SCAI: variants seen among roughly 807,000 people sequenced by gnomAD.
SCAI encodes the protein suppressor of cancer cell invasion.
In SCAI, 24 loss-of-function variants were observed where a neutral mutation model predicts 92.2. That is an observed-to-expected ratio of 0.26 (90% CI 0.19 to 0.37). The LOEUF (loss-of-function observed/expected upper bound fraction) is 0.37, where lower values mean the gene tolerates loss of function less well. Among genes scored for constraint, SCAI ranks in the 10% least tolerant of loss-of-function variants. The probability of loss-of-function intolerance (pLI) is 1.00; values close to 1 mark genes in which losing one functional copy is unlikely to be tolerated. For missense variants in SCAI, 450 were observed against 736.2 expected (o/e 0.61, Z 4.50); for synonymous variants, 261 against 258.6 (o/e 1.01, Z -0.09).
At chr9:125,054,774 T>C (rs1002998452) in intron 3 of SCAI, among the ~76,000 whole-genome samples, 3 of 152,228 alleles carry the variant, frequency 2.0e-5, no homozygotes, top group South Asian at 2.1e-4. Context: ...TTAAGAATAC[T>C]GCCTTTGGAA....
At chr9:125,065,283 A>G (rs1833851564) in intron 2 of SCAI, among the ~76,000 whole-genome samples, 1 of 152,196 alleles carries the variant, frequency 6.6e-6, no homozygotes, top group African/African-American at 2.4e-5. Context: ...CTGAAAACAA[A>G]AAGATCACAA....
At chr9:124,986,982 A>C (rs947539318) in intron 14 of SCAI, among the ~76,000 whole-genome samples, 2 of 152,242 alleles carry the variant, frequency 1.3e-5, no homozygotes, top group Admixed American at 6.5e-5. Flanking sequence ...AATGTGCAAA[A>C]GGATTTTCTT....
At chr9:124,955,091 C>A (rs1831293390) in intron 17 of SCAI, among the ~76,000 whole-genome samples, 1 of 151,242 alleles carries the variant, frequency 6.6e-6, no homozygotes, top group African/African-American at 2.4e-5. Context: ...TTGCTTGAGC[C>A]CAAGAGGCGG....
chr9:124,970,960 G>A (rs551649059), intron 17 of SCAI, among the ~76,000 whole-genome samples: 5 of 151,852 alleles, frequency 3.3e-5, no homozygotes, highest in South Asian at 2.1e-4. Context: ...GATTACAGGC[G>A]CGTGCCACCA....
chr9:124,962,679 C>T (rs1831463695), intron 17 of SCAI, among the ~76,000 whole-genome samples: 1 of 152,120 alleles, frequency 6.6e-6, no homozygotes, highest in African/African-American at 2.4e-5. Context: ...ATCTATGGTA[C>T]ATATCAAGCA....
chr9:125,018,825 G>T lies in SCAI; in HGVS notation c.835C>A (p.Leu279Ile). The T allele has an allele frequency of 1.9e-6, 3 of 1,611,520 alleles. No individual in the cohort carries two copies. Among genetic ancestry groups the T allele is most frequent in the Non-Finnish European group, 1.7e-6 (2 of 1,179,298 alleles). Residue 279 changes from leucine to isoleucine, a missense_variant, in exon 9 of 18, where the codon CTC (leucine) becomes ATC (isoleucine). This residue lies in a region of SCAI where 360 missense variants were observed against 601.8 expected (regional missense o/e 0.60). Transcript: ENST00000336505. ...IVGQLSLADA[L>I]IIGNCNNQVK... is the part of the protein sequence containing the mutation. ...TGATTATTACAATTACCAATAATGA[G>T]TGCGTCAGCCAGAGACAACTGTCCC... is the stretch of plus-strand genomic sequence containing the variant.
chr9:125,089,135 T>G (rs1278006507), intron 2 of SCAI, among the ~76,000 whole-genome samples: 1 of 152,212 alleles, frequency 6.6e-6, no homozygotes, highest in Non-Finnish European at 1.5e-5. Flanking sequence ...TATCTAATAA[T>G]GATTTTCAGC....
intron 2 of SCAI, among the ~76,000 whole-genome samples, chr9:125,064,029 A>G (rs947134716): frequency 6.6e-6 from 1 of 152,238 alleles, no homozygotes; most frequent in Non-Finnish European, 1.5e-5. Flanking sequence ...CTGGGATTAC[A>G]GGCGTGAGCC....
chr9:125,038,425 T>C (rs1311825426), intron 3 of SCAI, among the ~76,000 whole-genome samples: 1 of 152,188 alleles, frequency 6.6e-6, no homozygotes, highest in African/African-American at 2.4e-5. Context: ...TACCATGATA[T>C]CTAATTTATG....
chr9:125,079,837 T>G (rs546023243), intron 2 of SCAI, among the ~76,000 whole-genome samples: 6 of 152,186 alleles, frequency 3.9e-5, no homozygotes, highest in Non-Finnish European at 5.9e-5. Context: ...GACCCTCAGT[T>G]TTCATTCAGC....
chr9:124,970,572 T>C (rs1450787184), intron 17 of SCAI, among the ~76,000 whole-genome samples: 2 of 151,530 alleles, frequency 1.3e-5, no homozygotes, highest in Admixed American at 1.3e-4. Flanking sequence ...TACAAAAAAT[T>C]AGCCAGGTGT....
At chr9:125,089,395 G>A (rs565754587) in intron 2 of SCAI, among the ~76,000 whole-genome samples, 2 of 152,280 alleles carry the variant, frequency 1.3e-5, no homozygotes, top group East Asian at 3.9e-4. Flanking sequence ...TTCTTAAAAT[G>A]TACTACTTAA....
At chr9:124,959,493 CAT>C (rs1398660828) in intron 17 of SCAI, among the ~76,000 whole-genome samples, 3 of 116,278 alleles carry the variant, frequency 2.6e-5, no homozygotes, top group African/African-American at 1.0e-4. Flanking sequence ...TACACACACA[CAT>C]ATATATACAC....
At chr9:124,979,273 C>T (rs917540335) in intron 14 of SCAI, among the ~76,000 whole-genome samples, 2 of 152,048 alleles carry the variant, frequency 1.3e-5, no homozygotes, top group Admixed American at 1.3e-4. Context: ...CATGGTGTGT[C>T]TCATGCCTGT....
chr9:125,002,652 T>C (rs746778337), intron 11 of SCAI, among the ~76,000 whole-genome samples: 11 of 151,820 alleles, frequency 7.2e-5, no homozygotes, highest in Admixed American at 3.3e-4. Flanking sequence ...CCGGCTAATT[T>C]TGTATTCTTT....
intron 2 of SCAI, among the ~76,000 whole-genome samples, chr9:125,137,623 C>T (rs1232142540): frequency 6.6e-6 from 1 of 152,222 alleles, no homozygotes; most frequent in East Asian, 1.9e-4. Flanking sequence ...TTATTTAAGA[C>T]GGAGTCTCAC....
intron 2 of SCAI, among the ~76,000 whole-genome samples, chr9:125,132,051 T>C (rs1835412413): frequency 6.6e-6 from 1 of 152,152 alleles, no homozygotes; most frequent in Non-Finnish European, 1.5e-5. Context: ...CTGTACGTTC[T>C]ATTTCTTTGC....
intron 14 of SCAI, among the ~76,000 whole-genome samples, chr9:124,989,569 G>C (rs1398272125): frequency 6.6e-6 from 1 of 151,938 alleles, no homozygotes; most frequent in African/African-American, 2.4e-5. Context: ...TGACAAGAGT[G>C]AGACTGCATC....
intron 2 of SCAI, among the ~76,000 whole-genome samples, chr9:125,084,465 C>T (rs1233357167): frequency 1.3e-5 from 2 of 152,152 alleles, no homozygotes; most frequent in East Asian, 1.9e-4. Flanking sequence ...CCACCGCGCC[C>T]GGCCGGCTGC....
Sources: gnomAD v4.1 joint callset for allele counts (sites outside exome capture counted in the v4.1 genomes callset) on GRCh38, gnomAD v4.1.1 for gene constraint, gnomAD v4.1.1 regional missense constraint, MANE v1.5 for transcripts, NCBI Gene and HGNC (gene_info 2026-07-23, HGNC 2026-07-21) for gene names.